The following AP1M1 variants were observed in gnomAD, a reference collection of about 807,000 sequenced individuals.
AP1M1 encodes adaptor related protein complex 1 subunit mu 1, also known as AP-1 complex subunit mu-1.
A neutral mutation model predicts 57.1 loss-of-function variants in AP1M1; 18 were observed. That is an observed-to-expected ratio of 0.32 (90% CI 0.22 to 0.47). The LOEUF (loss-of-function observed/expected upper bound fraction) is 0.47. Among genes scored for constraint, AP1M1 ranks in the 20% least tolerant of loss-of-function variants. The pLI, the probability that AP1M1 is intolerant of heterozygous loss-of-function variation, is 1.00. For missense variants in AP1M1, 362 were observed against 593.5 expected (o/e 0.61, Z 4.05); for synonymous variants, 241 against 237.9 (o/e 1.01, Z -0.12).
chr19:16,235,177 C>G lies in AP1M1; in HGVS notation c.*742C>G, dbSNP rs906139167. 3 of 152,224 alleles carry G rather than the reference C, an allele frequency of 2.0e-5. No homozygotes were observed. The highest frequency in any genetic ancestry group is 6.5e-5 in the Admixed American group (1 of 15,284). The allele number at this position is 152,224 out of a possible 1,614,324, so 9.4% of individuals were successfully genotyped here. On this transcript the variant is annotated 3_prime_UTR_variant, in exon 12 of 12. Coordinates refer to ENST00000291439, the MANE Select transcript of AP1M1 (RefSeq NM_032493.4). ...GTCACTCAGCCAGATCAGTATTGAC[C>G]CACCAGGGGAGGTGGGGTTTGGTGA...
In AP1M1 at chr19:16,211,345, C is replaced by T. The variant is rs141667806; in HGVS notation, c.546+2168C>T. Among the ~76,000 whole-genome samples, 333 of 152,234 alleles carry T rather than the reference C, an allele frequency of 2.2e-3. 2 individuals are homozygous for T. The highest frequency in any genetic ancestry group is 7.7e-3 in the African/African-American group (320 of 41,536). On this transcript the variant is annotated intron_variant, in intron 5 of 11. Transcript: ENST00000291439. ...CTGACCTCAGGTGATCTGCCTTCCT[C>T]GGCCTCCCTAAGTGTTGGGATTACA...
At chr19:16,225,606 C>T (rs886854662) in intron 5 of AP1M1, among the ~76,000 whole-genome samples, 1 of 152,206 alleles carries the variant, frequency 6.6e-6, no homozygotes, top group Admixed American at 6.5e-5. Context: ...TCTCGGCATG[C>T]GCAGTGGGTT....
Position 16,239,583 on chromosome 19 carries a change from G to C in AP1M1, c.*5148G>C, listed in dbSNP as rs2091637930. The C allele has an allele frequency of 6.6e-6, 1 of 151,990 alleles. No homozygotes were observed. Among genetic ancestry groups the C allele is most frequent in the Admixed American group, 6.6e-5 (1 of 15,234 alleles). 9.4% of individuals were successfully genotyped at this position (151,990 alleles called of 1,614,324 possible). On this transcript the variant is annotated 3_prime_UTR_variant, in exon 12 of 12. Transcript: ENST00000291439. ...AGATCATTTTAGGTCAGGAGTTTGA[G>C]ACCAGCCTGGCCAACATGGTAAAAC...
In AP1M1 at chr19:16,206,393, C is replaced by G. The variant is rs747130464; in HGVS notation, c.252C>G (p.Leu84=). 1.2e-6 allele frequency: 2 copies of G among 1,613,934 alleles called. No homozygotes were observed. The highest frequency in any genetic ancestry group is 1.7e-5 in the Admixed American group (1 of 59,996). The change falls in exon 3 of 12, where the codon CTC becomes CTG. Residue 84 remains leucine, a synonymous_variant. Coordinates refer to ENST00000291439, the MANE Select transcript of AP1M1 (RefSeq NM_032493.4). This position sits in a 1 kb window ranked among gnomAD's most constrained non-coding sequence, Gnocchi z 4.3. ...NACVSLVFSF[L]YKVVQVFSEY... The stretch of plus-strand genomic sequence containing the variant: ...GCGTGTCGCTGGTCTTTTCTTTCCT[C>G]TATAAGGTGGTGCAGGTGAGTCTCG...
At chr19:16,233,998 G>C in intron 10 of AP1M1, 2 of 597,434 alleles carry the variant, frequency 3.3e-6, no homozygotes, top group Non-Finnish European at 5.7e-6. Context: ...CATCCTGGCT[G>C]CTCACCACTT....
At chr19:16,224,156 C>T (rs2091559319) in intron 5 of AP1M1, among the ~76,000 whole-genome samples, 1 of 152,262 alleles carries the variant, frequency 6.6e-6, no homozygotes, top group Admixed American at 6.5e-5. Context: ...TCTTCGCTTT[C>T]TTACTTTCCG....
chr19:16,201,001 G>A (rs1011055760), intron 1 of AP1M1, among the ~76,000 whole-genome samples: 32 of 152,132 alleles, frequency 2.1e-4, no homozygotes, highest in African/African-American at 7.2e-4. Context: ...AGTGGCCTCT[G>A]AGACACCAGA....
chr19:16,211,018 C>G (rs2091490976), intron 5 of AP1M1, among the ~76,000 whole-genome samples: 1 of 151,884 alleles, frequency 6.6e-6, no homozygotes, highest in Admixed American at 6.6e-5. Context: ...TTTGTGTGTT[C>G]CAGATAGAAG....
At chr19:16,216,410 C>T (rs1036625652) in intron 5 of AP1M1, among the ~76,000 whole-genome samples, 1 of 151,662 alleles carries the variant, frequency 6.6e-6, no homozygotes, top group Non-Finnish European at 1.5e-5. Context: ...GCACCACTGC[C>T]CTCCAGCCTG....
rs963174225 is a variant in AP1M1 at position 16,228,662 on chromosome 19, G to A, written c.889-108G>A. 2.7e-5 allele frequency: 35 copies of A among 1,276,098 alleles called. No individual in the cohort carries two copies. Among genetic ancestry groups the A allele is most frequent in the South Asian group, 4.0e-5 (3 of 75,028 alleles). The allele number at this position is 1,276,098 out of a possible 1,614,324, so 79.0% of individuals were successfully genotyped here. ...TGCCTGGAGAAGTGGGGCCAGGGGC[G>A]GGGCTAGGGAGGATCCCCCGGGCCA... On this transcript the variant is annotated intron_variant, in intron 8 of 11. Coordinates refer to ENST00000291439, the MANE Select transcript of AP1M1 (RefSeq NM_032493.4). The surrounding 1 kb of genome is among the most constrained non-coding windows in gnomAD (Gnocchi z 5.0).
Position 16,228,201 on chromosome 19 carries a change from T to C in AP1M1, c.881T>C (p.Met294Thr). Reference sequence around the variant, plus strand: ...CACTCCCACAGCCGCATCGAGTACATGATCAAGGTGCGTGGGCCGAGGCCA... The same window carrying C: ...CACTCCCACAGCCGCATCGAGTACACGATCAAGGTGCGTGGGCCGAGGCCA... ...EKHSHSRIEYMIKAKSQFKRR... is the reference protein window; with the variant it reads ...EKHSHSRIEYTIKAKSQFKRR... Residue 294 changes from methionine to threonine, a missense_variant, in exon 8 of 12, where the codon ATG (methionine) becomes ACG (threonine). By Grantham distance (81) the Met-to-Thr change is moderately conservative. Coordinates refer to ENST00000291439, the MANE Select transcript of AP1M1 (RefSeq NM_032493.4). The surrounding 1 kb of genome is among the most constrained non-coding windows in gnomAD (Gnocchi z 5.0). The C allele has an allele frequency of 6.2e-7, 1 of 1,613,710 alleles. No homozygotes were observed. Among genetic ancestry groups the C allele is most frequent in the Non-Finnish European group, 8.5e-7 (1 of 1,180,006 alleles).
intron 5 of AP1M1, among the ~76,000 whole-genome samples, chr19:16,209,763 T>C (rs1036218913): frequency 1.3e-5 from 2 of 152,228 alleles, no homozygotes; most frequent in African/African-American, 2.4e-5. Flanking sequence ...GATGTGGTTC[T>C]CCTGCAGCTT....
In AP1M1 at chr19:16,234,509, C is replaced by T. The variant is rs1374202960; in HGVS notation, c.*74C>T. The T allele has an allele frequency of 2.5e-6, 4 of 1,589,456 alleles. No homozygotes were observed. Among genetic ancestry groups the T allele is most frequent in the Non-Finnish European group, 2.6e-6 (3 of 1,163,816 alleles). ...CCAGGGGACACACCTGCCAAACCCACCAGATGGAGGGGCCCTCCCTGGTCT... is the reference window on the plus strand; with the variant it reads ...CCAGGGGACACACCTGCCAAACCCATCAGATGGAGGGGCCCTCCCTGGTCT... On this transcript the variant is annotated 3_prime_UTR_variant, in exon 12 of 12. Transcript: ENST00000291439.
intron 1 of AP1M1, among the ~76,000 whole-genome samples, chr19:16,201,917 G>T (rs2091449714): frequency 6.6e-6 from 1 of 152,208 alleles, no homozygotes; most frequent in African/African-American, 2.4e-5. Flanking sequence ...ATGGGGACGG[G>T]CTTGGGCTTT....
Position 16,203,497 on chromosome 19 carries a change from G to T in AP1M1, c.81G>T (p.Met27Ile), listed in dbSNP as rs2091457383. 4 of 1,614,210 alleles carry T rather than the reference G, an allele frequency of 2.5e-6. No individual in the cohort carries two copies. The highest frequency in any genetic ancestry group is 3.4e-6 in the Non-Finnish European group (4 of 1,180,042). Reference protein sequence around the residue: ...ICRNYRGDVDMSEVEHFMPIL... With the variant: ...ICRNYRGDVDISEVEHFMPIL... ...GGAACTACCGTGGCGACGTGGACATGTCAGAGGTGGAGCACTTCATGCCCA... is the reference window on the plus strand; with the variant it reads ...GGAACTACCGTGGCGACGTGGACATTTCAGAGGTGGAGCACTTCATGCCCA... The change falls in exon 2 of 12, where the codon ATG (methionine) becomes ATT (isoleucine). Residue 27 changes from methionine to isoleucine, a missense_variant. By Grantham distance (10) the Met-to-Ile change is conservative (BLOSUM62 1). Around this residue, in one of 2 missense-constraint regions of AP1M1, gnomAD observed 337 missense variants for 511.1 expected, o/e 0.66. Transcript: ENST00000291439. This position sits in a 1 kb window ranked among gnomAD's most constrained non-coding sequence, Gnocchi z 4.6.
chr19:16,213,658 C>T (rs779583188), intron 5 of AP1M1, among the ~76,000 whole-genome samples: 4 of 152,204 alleles, frequency 2.6e-5, no homozygotes, highest in South Asian at 2.1e-4. Context: ...CCACGCCTGG[C>T]GGTTTTCTAT....
chr19:16,228,699 A>G lies in AP1M1; in HGVS notation c.889-71A>G. 2 of 1,573,412 alleles carry G rather than the reference A, an allele frequency of 1.3e-6. No homozygotes were observed. Among genetic ancestry groups the G allele is most frequent in the African/African-American group, 1.3e-5 (1 of 74,278 alleles). On this transcript the variant is annotated intron_variant, in intron 8 of 11. Coordinates refer to ENST00000291439, the MANE Select transcript of AP1M1 (RefSeq NM_032493.4). The surrounding 1 kb of genome is among the most constrained non-coding windows in gnomAD (Gnocchi z 5.0). ...GATCCCCCGGGCCAGGCTGAGGGGCATGTGTCCTGGAGAGGCTGGCCAGCT... is the reference window on the plus strand; with the variant it reads ...GATCCCCCGGGCCAGGCTGAGGGGCGTGTGTCCTGGAGAGGCTGGCCAGCT...
chr19:16,210,406 G>A (rs1293649215), intron 5 of AP1M1: 1 of 718,146 alleles, frequency 1.4e-6, no homozygotes, highest in East Asian at 2.7e-5. Context: ...GTAAGTGTAT[G>A]TTTACCTTTA....
chr19:16,216,940 C>T (rs191922854), intron 5 of AP1M1, among the ~76,000 whole-genome samples: 2 of 152,314 alleles, frequency 1.3e-5, no homozygotes, highest in Admixed American at 6.5e-5. Context: ...GCGGGGTGCA[C>T]GCTTATCGGC....
Sources: allele counts gnomAD v4.1 joint callset (sites outside exome capture counted in the v4.1 genomes callset), GRCh38; gene constraint gnomAD v4.1.1; regional missense constraint gnomAD v4.1.1; non-coding constraint Gnocchi (gnomAD v3.1); transcripts MANE v1.5; gene names NCBI Gene and HGNC (gene_info 2026-07-23, HGNC 2026-07-21).